Variants in SPON1 observed in about 807,000 individuals in gnomAD.
The protein encoded by SPON1 is spondin 1.
SPON1 carries 52 observed loss-of-function variants against 111.7 expected under a neutral mutation model. The ratio of observed to expected loss-of-function variants is 0.47; its 90% CI spans 0.37 to 0.59. SPON1 has a LOEUF of 0.59. Among genes scored for constraint, SPON1 ranks in the 20% least tolerant of loss-of-function variants. SPON1 has a pLI of 0.00. For missense variants in SPON1, 957 were observed against 1,068.5 expected (o/e 0.90, Z 1.46); for synonymous variants, 410 against 395.8 (o/e 1.04, Z -0.43).
intron 6 of SPON1, among the ~76,000 whole-genome samples, chr11:14,155,600 C>G (rs1454913687): frequency 1.3e-5 from 2 of 151,428 alleles, no homozygotes; most frequent in Non-Finnish European, 2.9e-5. Context: ...GCTGCACCCA[C>G]TAACTCGTCC....
intron 1 of SPON1, among the ~76,000 whole-genome samples, chr11:13,974,205 A>G (rs180997389): frequency 3.9e-4 from 60 of 152,318 alleles, no homozygotes; most frequent in Admixed American, 1.9e-3. Context: ...GACTAACTTA[A>G]TGTCCCAACA....
intron 2 of SPON1, among the ~76,000 whole-genome samples, chr11:14,022,463 T>A (rs893215143): frequency 6.6e-6 from 1 of 152,208 alleles, no homozygotes; most frequent in Non-Finnish European, 1.5e-5. Context: ...CAAAGCAAGA[T>A]GATATGGCAG....
chr11:14,043,192 A>G (rs1457637098), intron 3 of SPON1, among the ~76,000 whole-genome samples: 1 of 152,178 alleles, frequency 6.6e-6, no homozygotes, highest in Non-Finnish European at 1.5e-5. Context: ...GTCAGCTGCC[A>G]TTACTAGCAT....
In SPON1 at chr11:14,138,348, G is replaced by GTAT. The variant is rs202202533; in HGVS notation, c.825+2783_825+2785dup. Among the ~76,000 whole-genome samples, 430 of 123,406 alleles carry GTAT rather than the reference G, an allele frequency of 3.5e-3. 1 individual carries two copies. The highest frequency in any genetic ancestry group is 0.011 in the African/African-American group (395 of 35,392). 81.0% of individuals were successfully genotyped at this position (123,406 alleles called of 152,430 possible). On this transcript the variant is annotated intron_variant, in intron 6 of 15. Coordinates refer to ENST00000576479, the MANE Select transcript of SPON1 (RefSeq NM_006108.4). ...AATACTAATCCTATTAATAGTGGAA[G>GTAT]TATTAATAATAATAACAGTATATTA...
In SPON1 at chr11:14,260,629, G is replaced by A. The variant is rs782432443; in HGVS notation, c.1873G>A (p.Asp625Asn). The stretch of plus-strand genomic sequence containing the variant: ...GCTGTCCCCATGGTCCGAGTGGAGT[G>A]ACTGCAGCGTGACCTGCGGGAAGGG... ...CLLSPWSEWS[D>N]CSVTCGKGMR... Residue 625 changes from aspartate (D) to asparagine (N), a missense_variant, in exon 14 of 16, where the codon GAC becomes AAC. Around this residue, in one of 5 missense-constraint regions of SPON1, gnomAD observed 549 missense variants for 606.2 expected, o/e 0.91. Transcript: ENST00000576479. 5.6e-6 allele frequency: 9 copies of A among 1,613,984 alleles called. No homozygotes were observed. Among genetic ancestry groups the A allele is most frequent in the Middle Eastern group, 1.6e-4 (1 of 6,062 alleles).
At chr11:14,141,029 C>CCCCCCCCCCCA (rs71041572) in intron 6 of SPON1, among the ~76,000 whole-genome samples, 2 of 132,268 alleles carry the variant, frequency 1.5e-5, no homozygotes, top group African/African-American at 5.5e-5. Flanking sequence ...GTGCCCCCCC[C>CCCCCCCCCCCA]ATGCCCCACT....
At chr11:14,068,593 G>T (rs1554920579) in intron 3 of SPON1, among the ~76,000 whole-genome samples, 1 of 152,162 alleles carries the variant, frequency 6.6e-6, no homozygotes, top group East Asian at 1.9e-4. Context: ...GTCTCTTTTA[G>T]GTGTGCAGCT....
chr11:14,267,019 G>A lies in SPON1; in HGVS notation c.*1332G>A, dbSNP rs1227552711. 1 of 152,128 alleles carries A rather than the reference G, an allele frequency of 6.6e-6. No homozygotes were observed. Among genetic ancestry groups the A allele is most frequent in the Non-Finnish European group, 1.5e-5 (1 of 68,018 alleles). 9.4% of individuals were successfully genotyped at this position (152,128 alleles called of 1,614,324 possible). A position where few individuals can be genotyped will look rare whatever the true frequency, so the allele number is the denominator to read the frequency against. On this transcript the variant is annotated 3_prime_UTR_variant, in exon 16 of 16. Transcript: ENST00000576479. ...CCTGCATTTATTGTTGAAAACTATT[G>A]TTTCATTTCTTCTTTTATAGGCCTT...
chr11:14,035,898 A>G (rs1177285122), intron 2 of SPON1, among the ~76,000 whole-genome samples: 1 of 152,150 alleles, frequency 6.6e-6, no homozygotes, highest in Admixed American at 6.5e-5. Flanking sequence ...GGTTACAGGC[A>G]TGAGCCACCA....
chr11:13,964,366 C>T (rs1056332500), intron 1 of SPON1, among the ~76,000 whole-genome samples: 1 of 152,214 alleles, frequency 6.6e-6, no homozygotes, highest in African/African-American at 2.4e-5. Flanking sequence ...TTCCTCCTCG[C>T]CTTCCCAGTT....
At chr11:14,106,855 A>C (rs1309464781) in intron 5 of SPON1, among the ~76,000 whole-genome samples, 1 of 152,118 alleles carries the variant, frequency 6.6e-6, no homozygotes, top group African/African-American at 2.4e-5. Flanking sequence ...ATGCCCCCAG[A>C]GCATCTTGGA....
Position 14,041,648 on chromosome 11 carries a change from T to C in SPON1, c.473T>C (p.Ile158Thr), listed in dbSNP as rs1554917295. 1 of 1,613,678 alleles carries C rather than the reference T, an allele frequency of 6.2e-7. No homozygotes were observed. The highest frequency in any genetic ancestry group is 2.2e-5 in the East Asian group (1 of 44,892). The change falls in exon 3 of 16, where the codon ATT becomes ACT. Residue 158 changes from isoleucine to threonine, a missense_variant. This residue lies in a region of SPON1 where 262 missense variants were observed against 253.9 expected (regional missense o/e 1.03). Coordinates refer to ENST00000576479, the MANE Select transcript of SPON1 (RefSeq NM_006108.4). The stretch of plus-strand genomic sequence containing the variant: ...CCACCAGCGGGAACAGGCTGCGTGA[T>C]TCTGAAGTAAGTAAACATGGAATCC... Reference protein sequence around the residue: ...IAPPAGTGCVILKASIVQKRI... With the variant: ...IAPPAGTGCVTLKASIVQKRI...
intron 2 of SPON1, among the ~76,000 whole-genome samples, chr11:14,021,615 T>C (rs1298770310): frequency 6.6e-6 from 1 of 152,218 alleles, no homozygotes; most frequent in East Asian, 1.9e-4. Flanking sequence ...CAGGGCATTT[T>C]GGTGCCATTG....
At chr11:14,045,736 T>A (rs1848663908) in intron 3 of SPON1, among the ~76,000 whole-genome samples, 1 of 151,198 alleles carries the variant, frequency 6.6e-6, no homozygotes, top group South Asian at 2.1e-4. Context: ...AACATATTTA[T>A]GTTTAAAATT....
intron 6 of SPON1, among the ~76,000 whole-genome samples, chr11:14,179,173 A>G (rs1385509273): frequency 6.6e-6 from 1 of 152,198 alleles, no homozygotes; most frequent in Non-Finnish European, 1.5e-5. Context: ...GGATTTGCAC[A>G]CAGATTAGAA....
intron 6 of SPON1, among the ~76,000 whole-genome samples, chr11:14,177,652 A>G (rs1440760793): frequency 6.6e-6 from 1 of 152,224 alleles, no homozygotes; most frequent in Non-Finnish European, 1.5e-5. Flanking sequence ...AGTTCTACAA[A>G]GGCAATCTAG....
intron 3 of SPON1, among the ~76,000 whole-genome samples, chr11:14,047,686 G>A (rs1399125916): frequency 2.0e-5 from 3 of 152,174 alleles, no homozygotes; most frequent in African/African-American, 7.2e-5. Flanking sequence ...TGGATAAAAG[G>A]ACAGAAGGGA....
At chr11:14,208,456 T>C (rs1234801432) in intron 6 of SPON1, among the ~76,000 whole-genome samples, 2 of 152,232 alleles carry the variant, frequency 1.3e-5, no homozygotes, top group African/African-American at 4.8e-5. Flanking sequence ...TTCTTTTCAC[T>C]TCTCATATTT....
intron 6 of SPON1, among the ~76,000 whole-genome samples, chr11:14,223,238 C>T (rs1305088180): frequency 6.6e-6 from 1 of 152,126 alleles, no homozygotes; most frequent in Non-Finnish European, 1.5e-5. Flanking sequence ...GTGGCACATG[C>T]CTGTGATCCC....
Sources: allele counts gnomAD v4.1 joint callset (sites outside exome capture counted in the v4.1 genomes callset), GRCh38; gene constraint gnomAD v4.1.1; regional missense constraint gnomAD v4.1.1; transcripts MANE v1.5; gene names NCBI Gene and HGNC (gene_info 2026-07-23, HGNC 2026-07-21).